Variants in MICU1 observed in about 807,000 individuals in gnomAD.
The protein encoded by MICU1 is calcium uptake protein 1, mitochondrial.
In MICU1, 45 loss-of-function variants were observed where a neutral mutation model predicts 56.8. The observed-to-expected ratio is 0.79, with a 90% CI of 0.62 to 1.02. The LOEUF is 1.02. Among genes scored for constraint, MICU1 ranks in the 50% least tolerant of loss-of-function variants. The pLI, the probability that MICU1 is intolerant of heterozygous loss-of-function variation, is 0.00. For missense variants in MICU1, 504 were observed against 587.1 expected (o/e 0.86, Z 1.46); for synonymous variants, 186 against 195.1 (o/e 0.95, Z 0.39).
intron 1 of MICU1, among the ~76,000 whole-genome samples, chr10:72,600,005 G>T (rs1841481522): frequency 6.6e-6 from 1 of 152,088 alleles, no homozygotes. Context: ...GAAAAAGAAA[G>T]TCATGGCCAG....
At chr10:72,561,597 A>T (rs760823672) in intron 3 of MICU1, among the ~76,000 whole-genome samples, 3 of 152,206 alleles carry the variant, frequency 2.0e-5, no homozygotes, top group Non-Finnish European at 4.4e-5. Flanking sequence ...GGATCACCTG[A>T]AGTCAGGAGT....
chr10:72,406,873 TGCCTCA>T (rs755764517), intron 10 of MICU1, among the ~76,000 whole-genome samples: 11 of 152,162 alleles, frequency 7.2e-5, no homozygotes, highest in Non-Finnish European at 8.8e-5. Context: ...GTGATCTACC[TGCCTCA>T]GCCTCCCAAA....
At chr10:72,587,296 C>T (rs1389603609) in intron 1 of MICU1, among the ~76,000 whole-genome samples, 1 of 151,656 alleles carries the variant, frequency 6.6e-6, no homozygotes, top group East Asian at 1.9e-4. Flanking sequence ...AGCAAGACCC[C>T]ACATTTACAA....
In MICU1 at chr10:72,423,395, T is replaced by C. The variant is rs1188274414; in HGVS notation, c.934-24A>G. 4.3e-6 allele frequency: 7 copies of C among 1,610,428 alleles called. No homozygotes were observed. The African/African-American group carries it at 5.3e-5, about 12-fold the overall frequency. ...AACTGGGAGGGAAACAGAAAGAATG[T>C]TCCTAGGGTCAATGGAAAGTATTTT... On this transcript the variant is annotated intron_variant, in intron 8 of 11. Coordinates refer to ENST00000361114, the MANE Select transcript of MICU1 (RefSeq NM_001195518.2).
intron 5 of MICU1, among the ~76,000 whole-genome samples, chr10:72,512,023 T>C (rs555127664): frequency 5.7e-4 from 86 of 151,924 alleles, no homozygotes; most frequent in African/African-American, 2.0e-3. Flanking sequence ...TCTAGTCAAG[T>C]TGACATTTAA....
At chr10:72,378,987 A>T (rs1356193697) in intron 10 of MICU1, among the ~76,000 whole-genome samples, 4 of 152,202 alleles carry the variant, frequency 2.6e-5, no homozygotes, top group Non-Finnish European at 4.4e-5. Context: ...GTACTAAAAG[A>T]CTGAAGTATA....
At position 72,467,344 on chromosome 10, in the gene MICU1, C is replaced by T. The variant is rs1161158332; in HGVS notation, c.933+7756G>A. 9.2e-5 allele frequency among the ~76,000 whole-genome samples: 14 copies of T among 152,248 alleles called. No homozygotes were observed. In the South Asian group the frequency reaches 1.0e-3, roughly 11 times the overall value. ...GATTACAGGGACATGCCACCACACC[C>T]GGCTGATTTCTGTATTTTTAGTATA... On this transcript the variant is annotated intron_variant, in intron 8 of 11. Coordinates refer to ENST00000361114, the MANE Select transcript of MICU1 (RefSeq NM_001195518.2).
intron 9 of MICU1, among the ~76,000 whole-genome samples, chr10:72,420,973 GC>G (rs1333030683): frequency 1.4e-5 from 2 of 138,608 alleles, no homozygotes; most frequent in African/African-American, 2.8e-5. Context: ...TTGCATTCCA[GC>G]CTGGGCAACA....
At chr10:72,416,159 TA>T (rs1589193107) in intron 9 of MICU1, among the ~76,000 whole-genome samples, 1 of 152,042 alleles carries the variant, frequency 6.6e-6, no homozygotes, top group Admixed American at 6.6e-5. Flanking sequence ...GGATAGGGAA[TA>T]GGGGAAAAGT....
At chr10:72,486,073 C>T (rs773949128) in intron 6 of MICU1, among the ~76,000 whole-genome samples, 1 of 152,028 alleles carries the variant, frequency 6.6e-6, no homozygotes, top group Non-Finnish European at 1.5e-5. Flanking sequence ...CCAAATACAT[C>T]TCCCCAAATT....
intron 1 of MICU1, among the ~76,000 whole-genome samples, chr10:72,573,940 C>A (rs1156965511): frequency 2.0e-5 from 3 of 152,274 alleles, no homozygotes; most frequent in African/African-American, 7.2e-5. Context: ...CATTCTTACA[C>A]AAATTAGCAA....
chr10:72,523,964 A>C, intron 5 of MICU1: 1 of 1,351,042 alleles, frequency 7.4e-7, no homozygotes, highest in Non-Finnish European at 9.5e-7. Context: ...TTTCCCCTTA[A>C]GCCATTTTAC....
chr10:72,427,289 G>A (rs905754112), intron 8 of MICU1, among the ~76,000 whole-genome samples: 3 of 152,174 alleles, frequency 2.0e-5, no homozygotes, highest in Non-Finnish European at 1.5e-5. Flanking sequence ...TTCACACTGC[G>A]CCTCTTGTTC....
chr10:72,499,140 G>C (rs543469398), intron 6 of MICU1, among the ~76,000 whole-genome samples: 2 of 152,266 alleles, frequency 1.3e-5, no homozygotes, highest in South Asian at 4.1e-4. Context: ...AATACATTTA[G>C]ATCTTATTTT....
chr10:72,524,523 T>C (rs1249744319), intron 5 of MICU1, among the ~76,000 whole-genome samples: 1 of 152,348 alleles, frequency 6.6e-6, no homozygotes, highest in East Asian at 1.9e-4. Context: ...TCCTTTTAAA[T>C]CATGCTGGGT....
At chr10:72,463,226 G>A (rs1477980870) in intron 8 of MICU1, among the ~76,000 whole-genome samples, 1 of 152,110 alleles carries the variant, frequency 6.6e-6, no homozygotes, top group Admixed American at 6.6e-5. Context: ...ACCACACCTG[G>A]CTAATTTTGT....
intron 10 of MICU1, among the ~76,000 whole-genome samples, chr10:72,381,815 G>A (rs1038957910): frequency 1.3e-5 from 2 of 152,050 alleles, no homozygotes; most frequent in African/African-American, 4.8e-5. Flanking sequence ...GTCTAGTATT[G>A]TATCTGGGTT....
At chr10:72,433,730 TACA>T (rs1864620623) in intron 8 of MICU1, among the ~76,000 whole-genome samples, 1 of 152,230 alleles carries the variant, frequency 6.6e-6, no homozygotes, top group Admixed American at 6.5e-5. Context: ...GTGCCCAGCC[TACA>T]ACTTCTTTCA....
chr10:72,606,240 G>A (rs1453376135), intron 1 of MICU1, among the ~76,000 whole-genome samples: 5 of 151,986 alleles, frequency 3.3e-5, no homozygotes, highest in Non-Finnish European at 4.4e-5. Flanking sequence ...GGCTGGGCAC[G>A]GTGGCTCATG....
Sources: gnomAD v4.1 joint callset for allele counts (sites outside exome capture counted in the v4.1 genomes callset) on GRCh38, gnomAD v4.1.1 for gene constraint, MANE v1.5 for transcripts, NCBI Gene and HGNC (gene_info 2026-07-23, HGNC 2026-07-21) for gene names.